Variants in MYO6 observed in about 807,000 individuals in gnomAD.
MYO6 encodes unconventional myosin-VI.
In MYO6, 74 loss-of-function variants were observed where a neutral mutation model predicts 178.7. That is an observed-to-expected ratio of 0.41 (90% CI 0.34 to 0.50). The LOEUF (loss-of-function observed/expected upper bound fraction) is 0.50. Ranked by LOEUF, MYO6 falls within the 20% of genes least tolerant of loss-of-function variation. The pLI is 0.09. For missense variants in MYO6, 1,330 were observed against 1,547.4 expected, an observed-to-expected ratio of 0.86 and a Z score of 2.36; for synonymous variants, 477 against 504.6, an observed-to-expected ratio of 0.95 and a Z score of 0.73.
intron 19 of MYO6, 136 bp downstream of exon 19, chr6:75,870,821 G>GT (rs910652306): frequency 1.7e-4 from 113 of 662,958 alleles, no homozygotes; most frequent in Non-Finnish European, 2.2e-4. Context: ...TAAAAAATTA[G>GT]TTTTTTTTCT....
intron 30 of MYO6, among the ~76,000 whole-genome samples, chr6:75,899,334 A>G (rs1779549676): frequency 6.6e-6 from 1 of 151,552 alleles, no homozygotes; most frequent in African/African-American, 2.4e-5. Flanking sequence ...TATTATGTCA[A>G]TTTACCTCTT....
intron 13 of MYO6, among the ~76,000 whole-genome samples, chr6:75,857,891 C>T (rs1271609537): frequency 1.3e-5 from 2 of 152,096 alleles, no homozygotes; most frequent in Non-Finnish European, 2.9e-5. Flanking sequence ...TTGTATTGGG[C>T]TTTATCAATG....
intron 22 of MYO6, among the ~76,000 whole-genome samples, chr6:75,880,508 T>C (rs907471905): frequency 6.6e-6 from 1 of 152,146 alleles, no homozygotes; most frequent in Non-Finnish European, 1.5e-5. Flanking sequence ...AAAAATCTCA[T>C]AATGTTTTAA....
chr6:75,893,124 T>C (rs921542829), intron 28 of MYO6, among the ~76,000 whole-genome samples: 1 of 152,182 alleles, frequency 6.6e-6, no homozygotes, highest in Non-Finnish European at 1.5e-5. Flanking sequence ...TTAAATATCC[T>C]GTCAGTTGAA....
chr6:75,847,676 CAT>C (rs532748254), intron 10 of MYO6, among the ~76,000 whole-genome samples: 1 of 150,764 alleles, frequency 6.6e-6, no homozygotes. Flanking sequence ...TATACTTTAC[CAT>C]ATATATATAT....
intron 15 of MYO6, among the ~76,000 whole-genome samples, chr6:75,862,344 A>C (rs3798437): frequency 1.3e-5 from 2 of 152,154 alleles, no homozygotes; most frequent in Non-Finnish European, 2.9e-5. Context: ...AATGGTTATT[A>C]TAGTCATTTG....
intron 1 of MYO6, among the ~76,000 whole-genome samples, chr6:75,754,981 G>A (rs534879032): frequency 1.3e-5 from 2 of 152,310 alleles, no homozygotes; most frequent in Non-Finnish European, 2.9e-5. Context: ...GGTAATCCCA[G>A]CACTTTGGGA....
At chr6:75,873,861 C>T (rs886674916) in intron 20 of MYO6, among the ~76,000 whole-genome samples, 1 of 152,152 alleles carries the variant, frequency 6.6e-6, no homozygotes, top group Non-Finnish European at 1.5e-5. Context: ...TTTGCTTAAA[C>T]TATCACTTCC....
At chr6:75,841,483 G>A (rs1774218748) in intron 9 of MYO6, 105 bp downstream of exon 9, 2 of 1,088,512 alleles carry the variant, frequency 1.8e-6, no homozygotes, top group Admixed American at 4.2e-5. Context: ...GAGCCTGGGA[G>A]TTCGAGAGCA....
In MYO6 at chr6:75,848,418, C is replaced by T. The variant is rs200541288; in HGVS notation, c.965C>T (p.Thr322Met). ...CATGGTGATTTTATTAGAATGTGCACGGCTATGAAAAAAATTGGTTTGGAT... is the reference window on the plus strand; with the variant it reads ...CATGGTGATTTTATTAGAATGTGCATGGCTATGAAAAAAATTGGTTTGGAT... ...DDHGDFIRMCTAMKKIGLDDE... is the reference protein window; with the variant it reads ...DDHGDFIRMCMAMKKIGLDDE... The change falls in exon 11 of 35, where the codon ACG (threonine) becomes ATG (methionine). Residue 322 changes from threonine (T) to methionine (M), a missense_variant. Coordinates refer to ENST00000369977, the MANE Select transcript of MYO6 (RefSeq NM_004999.4). 8.1e-6 allele frequency: 13 copies of T among 1,613,562 alleles called. No homozygotes were observed. The highest frequency in any genetic ancestry group is 6.7e-5 in the African/African-American group (5 of 74,906).
At chr6:75,832,536 C>A (rs1393158573) in intron 5 of MYO6, among the ~76,000 whole-genome samples, 1 of 152,056 alleles carries the variant, frequency 6.6e-6, no homozygotes, top group East Asian at 1.9e-4. Context: ...AATCCCTCTG[C>A]AGATCAGCTC....
intron 11 of MYO6, among the ~76,000 whole-genome samples, chr6:75,850,016 T>C (rs1562245421): frequency 6.6e-6 from 1 of 151,924 alleles, no homozygotes; most frequent in Non-Finnish European, 1.5e-5. Flanking sequence ...AGAGAGGACA[T>C]AGGGAAGCTT....
intron 30 of MYO6, among the ~76,000 whole-genome samples, chr6:75,905,587 T>C (rs12528877): frequency 3.9e-5 from 6 of 152,170 alleles, no homozygotes; most frequent in African/African-American, 1.4e-4. Flanking sequence ...TGGCACACGG[T>C]GCGCGCACCC....
intron 1 of MYO6, among the ~76,000 whole-genome samples, chr6:75,752,934 A>G (rs1006224302): frequency 4.6e-5 from 7 of 152,242 alleles, no homozygotes; most frequent in African/African-American, 1.7e-4. Context: ...ATAATTATTT[A>G]TGCAGTAGCT....
intron 12 of MYO6, 21 bp downstream of exon 12, chr6:75,855,304 C>G (rs763107537): frequency 6.2e-7 from 1 of 1,611,780 alleles, no homozygotes; most frequent in South Asian, 1.1e-5. Flanking sequence ...TAAGTAATTG[C>G]ACTGCAAAAA....
intron 16 of MYO6, among the ~76,000 whole-genome samples, chr6:75,865,818 C>T (rs919512298): frequency 6.6e-6 from 1 of 152,104 alleles, no homozygotes; most frequent in Admixed American, 6.5e-5. Context: ...GATTCAGGCT[C>T]CTTGTGTAAA....
At chr6:75,804,091 A>G (rs1416293307) in intron 1 of MYO6, among the ~76,000 whole-genome samples, 2 of 152,188 alleles carry the variant, frequency 1.3e-5, no homozygotes, top group Non-Finnish European at 2.9e-5. Flanking sequence ...ACAAGGTCCC[A>G]CTATGTTGCC....
chr6:75,776,198 A>C (rs1037750864), intron 1 of MYO6, among the ~76,000 whole-genome samples: 1 of 152,126 alleles, frequency 6.6e-6, no homozygotes, highest in African/African-American at 2.4e-5. Context: ...GATGCTCCAT[A>C]AATGTCTATT....
intron 1 of MYO6, among the ~76,000 whole-genome samples, chr6:75,799,021 A>G (rs552888850): frequency 1.1e-3 from 163 of 152,330 alleles, no homozygotes; most frequent in African/African-American, 3.8e-3. Flanking sequence ...ACATAGACAA[A>G]ACGAAATACT....
Sources: allele counts gnomAD v4.1 joint callset (sites outside exome capture counted in the v4.1 genomes callset), GRCh38; gene constraint gnomAD v4.1.1; transcripts MANE v1.5; gene names NCBI Gene and HGNC (gene_info 2026-07-23, HGNC 2026-07-21).